LRRC4C: variants seen among roughly 807,000 people sequenced by gnomAD.
LRRC4C encodes the protein leucine rich repeat containing 4C, also known as leucine-rich repeat-containing protein 4C.
Under a neutral mutation model 33.6 loss-of-function variants are expected in LRRC4C, and 5 were observed. The observed-to-expected ratio is 0.15, with a 90% CI of 0.08 to 0.31. The LOEUF (loss-of-function observed/expected upper bound fraction) is 0.31, where lower values mean the gene tolerates loss of function less well. Ranked by LOEUF, LRRC4C falls within the 10% of genes least tolerant of loss-of-function variation. LRRC4C has a pLI of 1.00. For missense variants in LRRC4C, 560 were observed against 796.7 expected (o/e 0.70, Z 3.58); for synonymous variants, 329 against 302.0 (o/e 1.09, Z -0.93).
intron 2 of LRRC4C, among the ~76,000 whole-genome samples, chr11:40,672,315 C>T (rs1028364035): frequency 6.6e-6 from 1 of 152,122 alleles, no homozygotes; most frequent in African/African-American, 2.4e-5. Flanking sequence ...GACGTCCATC[C>T]TTATGATCTA....
intron 1 of LRRC4C, among the ~76,000 whole-genome samples, chr11:41,321,190 T>A (rs1466102069): frequency 6.6e-6 from 1 of 152,162 alleles, no homozygotes; most frequent in Non-Finnish European, 1.5e-5. Context: ...TTTTATGCCA[T>A]GTAATGTAAA....
chr11:40,687,726 T>A lies in LRRC4C; in HGVS notation c.-406-39448A>T, dbSNP rs12279843. ...TTCACTTATCAAGACAAAACCTGTC[T>A]ATAATTTTATATTAAATGTGATAAA... is the stretch of plus-strand genomic sequence containing the variant. On this transcript the variant is annotated intron_variant, in intron 2 of 6. Coordinates refer to ENST00000528697, the MANE Select transcript of LRRC4C (RefSeq NM_001258419.2). 8.0e-3 allele frequency among the ~76,000 whole-genome samples: 1,222 copies of A among 152,252 alleles called. 18 individuals are homozygous for A. The highest frequency in any genetic ancestry group is 0.028 in the African/African-American group (1,146 of 41,560).
At chr11:40,393,040 A>G (rs552867341) in intron 3 of LRRC4C, among the ~76,000 whole-genome samples, 10 of 152,132 alleles carry the variant, frequency 6.6e-5, no homozygotes, top group Non-Finnish European at 1.2e-4. Context: ...GGGCTGAAAC[A>G]GCAGAGCAAA....
At chr11:41,333,664 C>T (rs759635210) in intron 1 of LRRC4C, among the ~76,000 whole-genome samples, 3 of 151,324 alleles carry the variant, frequency 2.0e-5, no homozygotes, top group Non-Finnish European at 4.4e-5. Flanking sequence ...AGCTAAATGG[C>T]CTTTTATTCA....
intron 1 of LRRC4C, among the ~76,000 whole-genome samples, chr11:41,150,336 A>T (rs1943933812): frequency 6.6e-6 from 1 of 152,224 alleles, no homozygotes; most frequent in African/African-American, 2.4e-5. Flanking sequence ...AAAGTGAAAC[A>T]TTCATTTCAT....
At chr11:41,134,718 C>T (rs181900476) in intron 1 of LRRC4C, among the ~76,000 whole-genome samples, 232 of 152,192 alleles carry the variant, frequency 1.5e-3, no homozygotes, top group African/African-American at 5.4e-3. Flanking sequence ...CACTCTAATC[C>T]ACTGTGACCT....
At chr11:40,189,666 T>C (rs1285924393) in intron 5 of LRRC4C, among the ~76,000 whole-genome samples, 2 of 152,170 alleles carry the variant, frequency 1.3e-5, no homozygotes, top group Non-Finnish European at 2.9e-5. Context: ...TAAAAAGAGA[T>C]GATGAATGTA....
At chr11:40,710,606 G>A (rs916490366) in intron 2 of LRRC4C, among the ~76,000 whole-genome samples, 3 of 152,152 alleles carry the variant, frequency 2.0e-5, no homozygotes, top group Non-Finnish European at 4.4e-5. Context: ...GGGGCACCCG[G>A]CTGTTTGAGG....
At chr11:40,242,547 G>T (rs1288500597) in intron 4 of LRRC4C, among the ~76,000 whole-genome samples, 1 of 152,202 alleles carries the variant, frequency 6.6e-6, no homozygotes, top group Non-Finnish European at 1.5e-5. Flanking sequence ...TAACAAGGCA[G>T]TATCCAGATA....
chr11:41,135,470 T>C (rs973454430), intron 1 of LRRC4C, among the ~76,000 whole-genome samples: 11 of 152,210 alleles, frequency 7.2e-5, no homozygotes, highest in African/African-American at 2.7e-4. Flanking sequence ...GTTTCATTAA[T>C]GAGTTTGACA....
chr11:41,049,684 A>G (rs1858055445), intron 1 of LRRC4C, among the ~76,000 whole-genome samples: 1 of 152,226 alleles, frequency 6.6e-6, no homozygotes, highest in South Asian at 2.1e-4. Context: ...TAGAAGTAAC[A>G]GAACTTCTGT....
At chr11:40,213,286 C>G (rs1263466318) in intron 5 of LRRC4C, among the ~76,000 whole-genome samples, 1 of 151,914 alleles carries the variant, frequency 6.6e-6, no homozygotes, top group Non-Finnish European at 1.5e-5. Flanking sequence ...GGATTTTGGT[C>G]TTCTTCTTCA....
chr11:40,590,826 T>G (rs1959013496), intron 3 of LRRC4C, among the ~76,000 whole-genome samples: 1 of 152,256 alleles, frequency 6.6e-6, no homozygotes, highest in Admixed American at 6.5e-5. Context: ...GAGGAGGCAG[T>G]CTGCCCATTC....
intron 1 of LRRC4C, among the ~76,000 whole-genome samples, chr11:41,250,452 A>G (rs1415404340): frequency 6.6e-6 from 1 of 152,214 alleles, no homozygotes; most frequent in Non-Finnish European, 1.5e-5. Context: ...CACTTTGTAA[A>G]GGTCATAGAT....
intron 3 of LRRC4C, among the ~76,000 whole-genome samples, chr11:40,333,929 A>C (rs1410194539): frequency 6.6e-6 from 1 of 151,862 alleles, no homozygotes; most frequent in Non-Finnish European, 1.5e-5. Flanking sequence ...AAAAAGGAGG[A>C]AAGGAAGAGA....
intron 3 of LRRC4C, among the ~76,000 whole-genome samples, chr11:40,361,800 G>T (rs573578277): frequency 6.6e-6 from 1 of 152,224 alleles, no homozygotes; most frequent in South Asian, 2.1e-4. Flanking sequence ...TGCCCAAATA[G>T]TCAAGACAAT....
intron 6 of LRRC4C, among the ~76,000 whole-genome samples, chr11:40,138,050 T>A (rs1324878434): frequency 6.6e-6 from 1 of 152,220 alleles, no homozygotes; most frequent in African/African-American, 2.4e-5. Flanking sequence ...AGATGCTCTG[T>A]AAGTTTGTCA....
intron 5 of LRRC4C, among the ~76,000 whole-genome samples, chr11:40,150,447 T>C (rs1457191170): frequency 1.3e-5 from 2 of 152,126 alleles, no homozygotes; most frequent in African/African-American, 4.8e-5. Flanking sequence ...AATAATATAG[T>C]TTGACTTAGA....
chr11:40,604,638 G>C (rs1960372124), intron 3 of LRRC4C, among the ~76,000 whole-genome samples: 1 of 152,092 alleles, frequency 6.6e-6, no homozygotes, highest in South Asian at 2.1e-4. Flanking sequence ...AACCTATACA[G>C]TGATCAAAAT....
Sources: allele counts gnomAD v4.1 joint callset (sites outside exome capture counted in the v4.1 genomes callset), GRCh38; gene constraint gnomAD v4.1.1; transcripts MANE v1.5; gene names NCBI Gene and HGNC (gene_info 2026-07-23, HGNC 2026-07-21).